The following CSNK1G2 variants were observed in gnomAD, a reference collection of about 807,000 sequenced individuals.
The protein encoded by CSNK1G2 is casein kinase I isoform gamma-2.
In CSNK1G2, 11 loss-of-function variants were observed where a neutral mutation model predicts 48.0. The ratio of observed to expected loss-of-function variants is 0.23; its 90% confidence interval spans 0.14 to 0.38. CSNK1G2 has a LOEUF of 0.38. Ranked by LOEUF, CSNK1G2 falls within the 10% of genes least tolerant of loss-of-function variation. The probability of loss-of-function intolerance (pLI) is 1.00; values close to 1 mark genes in which losing one functional copy is unlikely to be tolerated. For missense variants in CSNK1G2, 446 were observed against 595.5 expected (o/e 0.75, Z 2.61); for synonymous variants, 337 against 254.1 (o/e 1.33, Z -3.10).
chr19:1,974,482 C>A (rs2015683564), intron 2 of CSNK1G2, among the ~76,000 whole-genome samples: 1 of 152,152 alleles, frequency 6.6e-6, no homozygotes, highest in Non-Finnish European at 1.5e-5. Context: ...CAACACATGA[C>A]CCTTGGGGGG....
chr19:1,975,983 C>T lies in CSNK1G2; in HGVS notation c.188-2322C>T, dbSNP rs77115833. ...CCAGGAGGCAGAGGTTCCAGTGAGC[C>T]GTGATCGCGCCAGTGCACTCCAGCC... On this transcript the variant is annotated intron_variant, in intron 2 of 11. Transcript: ENST00000255641. 346 of 1,042,660 alleles carry T rather than the reference C, an allele frequency of 3.3e-4. 1 individual carries two copies. In the East Asian group the frequency reaches 0.017, roughly 51 times the overall value. The allele number at this position is 1,042,660 out of a possible 1,614,324, so 64.6% of individuals were successfully genotyped here.
intron 2 of CSNK1G2, among the ~76,000 whole-genome samples, chr19:1,977,074 C>T (rs1257617881): frequency 6.6e-6 from 1 of 152,224 alleles, no homozygotes; most frequent in African/African-American, 2.4e-5. Flanking sequence ...GCTACTCGGG[C>T]AAAGGCAGCT....
At chr19:1,950,232 C>T (rs768930188) in intron 1 of CSNK1G2, among the ~76,000 whole-genome samples, 9 of 152,086 alleles carry the variant, frequency 5.9e-5, no homozygotes, top group East Asian at 1.9e-4. Flanking sequence ...CTCTGCCTCC[C>T]GGGTTCACAC....
chr19:1,973,544 A>C (rs2015649129), intron 2 of CSNK1G2, among the ~76,000 whole-genome samples: 1 of 152,168 alleles, frequency 6.6e-6, no homozygotes, highest in African/African-American at 2.4e-5. Flanking sequence ...TCTGCGTGTG[A>C]CAGGAGTGCT....
At chr19:1,975,723 C>T (rs1599328535) in intron 2 of CSNK1G2, 1 of 985,420 alleles carries the variant, frequency 1.0e-6, no homozygotes, top group Non-Finnish European at 1.2e-6. Context: ...AAACCTGGGG[C>T]AGTGTCCTGA....
chr19:1,966,069 G>A (rs1362644859), intron 1 of CSNK1G2, among the ~76,000 whole-genome samples: 1 of 152,236 alleles, frequency 6.6e-6, no homozygotes, highest in Admixed American at 6.5e-5. Flanking sequence ...AAAGTGTCGG[G>A]GTTACAGGCA....
rs546791332 is a variant in CSNK1G2 at position 1,946,010 on chromosome 19, G to A, written c.-266+4592G>A. The stretch of plus-strand genomic sequence containing the variant: ...GACTCTGGTCTGGCCGGCCTGACCC[G>A]TGGGGTATGACTCTTGTTACGGCAG... On this transcript the variant is annotated intron_variant, in intron 1 of 11. Transcript: ENST00000255641. Among the ~76,000 whole-genome samples the A allele has an allele frequency of 6.6e-5, 10 of 152,262 alleles. No homozygotes were observed. The South Asian group carries it at 1.0e-3, about 16-fold the overall frequency.
At position 1,980,826 on chromosome 19, in the gene CSNK1G2, C is replaced by T. The variant is rs1241399752; in HGVS notation, c.*623C>T. The T allele has an allele frequency of 2.0e-5, 3 of 152,608 alleles. No homozygotes were observed. The highest frequency in any genetic ancestry group is 7.2e-5 in the African/African-American group (3 of 41,454). 9.5% of individuals were successfully genotyped at this position (152,608 alleles called of 1,614,324 possible). On this transcript the variant is annotated 3_prime_UTR_variant, in exon 12 of 12. Transcript: ENST00000255641. ...CCAACCAAAATGCTGCACCAAAGCTCGGGCGCCGCGGGCACGGCTGCTGCA... is the reference window on the plus strand; with the variant it reads ...CCAACCAAAATGCTGCACCAAAGCTTGGGCGCCGCGGGCACGGCTGCTGCA...
At chr19:1,953,545 C>G in intron 1 of CSNK1G2, 1 of 520,320 alleles carries the variant, frequency 1.9e-6, no homozygotes, top group Non-Finnish European at 4.0e-6. Flanking sequence ...GGACTAGTTG[C>G]AGGGACAGTG....
chr19:1,971,227 G>A (rs539014529), intron 2 of CSNK1G2, among the ~76,000 whole-genome samples: 45 of 152,234 alleles, frequency 3.0e-4, no homozygotes, highest in Non-Finnish European at 4.9e-4. Context: ...GGCTGTTTCT[G>A]TGTTCCCATT....
At chr19:1,973,828 TC>T (rs151252036) in intron 2 of CSNK1G2, among the ~76,000 whole-genome samples, 1,657 of 152,272 alleles carry the variant, frequency 0.011, 33 homozygotes, top group African/African-American at 0.038. Flanking sequence ...TTGTGCTGTT[TC>T]TTAGTCCATT....
chr19:1,945,394 C>T (rs1464431205), intron 1 of CSNK1G2, among the ~76,000 whole-genome samples: 1 of 152,224 alleles, frequency 6.6e-6, no homozygotes, highest in Non-Finnish European at 1.5e-5. Context: ...GTCCCCTGCA[C>T]AGGGAATCGG....
intron 2 of CSNK1G2, among the ~76,000 whole-genome samples, chr19:1,971,538 C>T (rs2015569811): frequency 6.6e-6 from 1 of 152,246 alleles, no homozygotes; most frequent in South Asian, 2.1e-4. Context: ...TGCACATGTG[C>T]ACACTAAAGC....
intron 1 of CSNK1G2, among the ~76,000 whole-genome samples, chr19:1,944,324 G>A (rs1032342477): frequency 5.3e-5 from 8 of 152,122 alleles, no homozygotes; most frequent in Admixed American, 2.0e-4. Context: ...TCCCTAGGTC[G>A]GGAGGCTCCG....
intron 2 of CSNK1G2, among the ~76,000 whole-genome samples, chr19:1,977,098 A>T (rs535757298): frequency 9.8e-5 from 15 of 152,350 alleles, no homozygotes; most frequent in African/African-American, 2.4e-4. Flanking sequence ...TGCAGACCCA[A>T]CACGGTGACC....
chr19:1,965,041 A>T (rs2015321475), intron 1 of CSNK1G2, among the ~76,000 whole-genome samples: 1 of 150,542 alleles, frequency 6.6e-6, no homozygotes, highest in Non-Finnish European at 1.5e-5. Context: ...GATTTCTTTC[A>T]AAATATGACT....
At chr19:1,975,551 G>A (rs1232862730) in intron 2 of CSNK1G2, 33 of 985,314 alleles carry the variant, frequency 3.3e-5, no homozygotes, top group African/African-American at 5.2e-5. Flanking sequence ...CACGCAGCAC[G>A]ACACGGCGAG....
At chr19:1,958,417 G>GT (rs1259576226) in intron 1 of CSNK1G2, among the ~76,000 whole-genome samples, 1 of 151,372 alleles carries the variant, frequency 6.6e-6, no homozygotes, top group Non-Finnish European at 1.5e-5. Flanking sequence ...GTGTCTAGAG[G>GT]GCCTCAGCTC....
At chr19:1,944,932 G>C (rs2014499939) in intron 1 of CSNK1G2, among the ~76,000 whole-genome samples, 1 of 152,326 alleles carries the variant, frequency 6.6e-6, no homozygotes. Flanking sequence ...TCCCACCCTT[G>C]CTGCCCTTTT....
Sources: gnomAD v4.1 joint callset for allele counts (sites outside exome capture counted in the v4.1 genomes callset) on GRCh38, gnomAD v4.1.1 for gene constraint, MANE v1.5 for transcripts, NCBI Gene and HGNC (gene_info 2026-07-23, HGNC 2026-07-21) for gene names.